Variants in RYR2 observed in about 807,000 individuals in gnomAD.
RYR2 encodes cardiac muscle ryanodine receptor-calcium release channel.
Under a neutral mutation model 601.1 loss-of-function variants are expected in RYR2, and 227 were observed. The observed-to-expected ratio is 0.38, with a 90% CI of 0.34 to 0.42. The LOEUF is 0.42. Ranked by LOEUF, RYR2 falls within the 10% of genes least tolerant of loss-of-function variation. The pLI is 1.00. For synonymous variants in RYR2, 2,223 were observed against 2,175.1 expected (o/e 1.02, Z -0.61); for missense variants, 4,646 against 6,156.5 (o/e 0.75, Z 8.21).
chr1:237,666,425 AAT>A, intron 56 of RYR2, 85 bp from the exon 57 acceptor site: 4 of 1,172,320 alleles, frequency 3.4e-6, no homozygotes, highest in Non-Finnish European at 4.9e-6. Flanking sequence ...TATGTTTGGA[AAT>A]TTGTGCCATA....
chr1:237,825,763 A>G (rs1663017933), intron 101 of RYR2, among the ~76,000 whole-genome samples: 1 of 152,214 alleles, frequency 6.6e-6, no homozygotes, highest in African/African-American at 2.4e-5. Flanking sequence ...TTTGCTGTCT[A>G]TCCATCTGAT....
At chr1:237,609,022 C>T (rs1263631664) in intron 35 of RYR2, among the ~76,000 whole-genome samples, 1 of 150,964 alleles carries the variant, frequency 6.6e-6, no homozygotes, top group Non-Finnish European at 1.5e-5. Context: ...CTCCCTCCCT[C>T]CTTCCCTCCC....
intron 29 of RYR2, among the ~76,000 whole-genome samples, chr1:237,588,377 A>G (rs1559072228): frequency 6.6e-6 from 1 of 152,226 alleles, no homozygotes; most frequent in Non-Finnish European, 1.5e-5. Flanking sequence ...TGTGTAAATC[A>G]TAATGACAGA....
intron 1 of RYR2, among the ~76,000 whole-genome samples, chr1:237,179,575 G>T (rs1678468017): frequency 6.6e-6 from 1 of 152,082 alleles, no homozygotes; most frequent in South Asian, 2.1e-4. Context: ...GTTATTTCAT[G>T]TAATGCCCCA....
At chr1:237,272,924 C>T (rs899114757) in intron 2 of RYR2, among the ~76,000 whole-genome samples, 2 of 152,054 alleles carry the variant, frequency 1.3e-5, no homozygotes, top group Non-Finnish European at 2.9e-5. Flanking sequence ...CACAGCTTAA[C>T]ATCTGTAGAG....
intron 1 of RYR2, among the ~76,000 whole-genome samples, chr1:237,215,011 A>T (rs1186835314): frequency 6.6e-6 from 1 of 152,208 alleles, no homozygotes; most frequent in African/African-American, 2.4e-5. Context: ...TTCTCATATC[A>T]CATGAAGTCA....
chr1:237,107,851 G>A (rs538612686), intron 1 of RYR2, among the ~76,000 whole-genome samples: 1 of 152,258 alleles, frequency 6.6e-6, no homozygotes, highest in Admixed American at 6.5e-5. Context: ...GCACAGGCTG[G>A]GCTCCTCCCT....
At chr1:237,427,223 G>T (rs926143916) in intron 12 of RYR2, among the ~76,000 whole-genome samples, 1 of 152,082 alleles carries the variant, frequency 6.6e-6, no homozygotes, top group South Asian at 2.1e-4. Flanking sequence ...ACAGATGCAG[G>T]CATGCAGACA....
chr1:237,620,470 G>A (rs1678956489), intron 38 of RYR2, among the ~76,000 whole-genome samples: 1 of 152,078 alleles, frequency 6.6e-6, no homozygotes, highest in South Asian at 2.1e-4. Context: ...TGAAGTCATA[G>A]CATATCAATA....
chr1:237,748,565 A>G (rs1393364115), intron 80 of RYR2, among the ~76,000 whole-genome samples: 1 of 152,166 alleles, frequency 6.6e-6, no homozygotes, highest in African/African-American at 2.4e-5. Flanking sequence ...GTGTGGGGGC[A>G]GTCATTTCTA....
intron 63 of RYR2, among the ~76,000 whole-genome samples, chr1:237,694,694 A>C (rs1687262985): frequency 6.6e-6 from 1 of 152,202 alleles, no homozygotes; most frequent in Non-Finnish European, 1.5e-5. Flanking sequence ...GCATTATAGG[A>C]GAATTTCCTG....
intron 92 of RYR2, 30 bp downstream of exon 92, chr1:237,788,165 T>C: frequency 6.4e-7 from 1 of 1,558,594 alleles, no homozygotes; most frequent in Non-Finnish European, 8.8e-7. Context: ...ATATTGTTAC[T>C]GATATAGTGC....
At chr1:237,360,868 A>C (rs1181671147) in intron 4 of RYR2, among the ~76,000 whole-genome samples, 1 of 152,160 alleles carries the variant, frequency 6.6e-6, no homozygotes, top group Non-Finnish European at 1.5e-5. Flanking sequence ...AAAGTGAAGC[A>C]TTTCCATAGG....
chr1:237,051,176 C>T lies in RYR2; in HGVS notation c.48+8607C>T, dbSNP rs371405459. Among the ~76,000 whole-genome samples, 148 of 129,750 alleles carry T rather than the reference C, an allele frequency of 1.1e-3. No individual in the cohort carries two copies. In the East Asian group the frequency reaches 0.03, roughly 26 times the overall value. The allele number at this position is 129,750 out of a possible 152,430, so 85.1% of individuals were successfully genotyped here. A position where few individuals can be genotyped will look rare whatever the true frequency, so the allele number is the denominator to read the frequency against. On this transcript the variant is annotated intron_variant, in intron 1 of 104. Transcript: ENST00000366574. ...CTTTCCCTTTCCCTCCCCTCCCTTCCCCCTTCCCTCCTTTTCCCTTCCCTC... is the reference window on the plus strand; with the variant it reads ...CTTTCCCTTTCCCTCCCCTCCCTTCTCCCTTCCCTCCTTTTCCCTTCCCTC...
chr1:237,714,349 G>A (rs925629374), intron 71 of RYR2, among the ~76,000 whole-genome samples: 3 of 152,134 alleles, frequency 2.0e-5, no homozygotes, highest in Non-Finnish European at 4.4e-5. Flanking sequence ...CTTAGAAAAC[G>A]TACGAGAGAA....
In RYR2 at chr1:237,310,998, A is replaced by T. The variant is rs1458381592; in HGVS notation, c.169-19880A>T. Reference sequence around the variant, plus strand: ...TCAATTTAGTAGGTATCTATCCTATATAAACTTCCCGATGAAGTTACTAGA... The same window carrying T: ...TCAATTTAGTAGGTATCTATCCTATTTAAACTTCCCGATGAAGTTACTAGA... On this transcript the variant is annotated intron_variant, in intron 2 of 104. Coordinates refer to ENST00000366574, the MANE Select transcript of RYR2 (RefSeq NM_001035.3). Among the ~76,000 whole-genome samples the T allele has an allele frequency of 2.0e-5, 3 of 152,344 alleles. No homozygotes were observed. In the South Asian group the frequency reaches 6.2e-4, roughly 32 times the overall value.
chr1:237,758,313 T>C (rs565687182), intron 82 of RYR2, among the ~76,000 whole-genome samples: 1 of 152,336 alleles, frequency 6.6e-6, no homozygotes, highest in Admixed American at 6.5e-5. Context: ...TTCTTGTCTA[T>C]GTGGAACTTG....
intron 1 of RYR2, among the ~76,000 whole-genome samples, chr1:237,230,245 C>T (rs545551728): frequency 6.6e-6 from 1 of 152,168 alleles, no homozygotes; most frequent in East Asian, 1.9e-4. Context: ...ATGACAGATT[C>T]AATTTCTTTA....
At chr1:237,391,902 A>G (rs1702418723) in intron 10 of RYR2, among the ~76,000 whole-genome samples, 1 of 152,110 alleles carries the variant, frequency 6.6e-6, no homozygotes, top group South Asian at 2.1e-4. Flanking sequence ...CTTCCTGCCC[A>G]TTTTGCTTTT....
Sources: allele counts gnomAD v4.1 joint callset (sites outside exome capture counted in the v4.1 genomes callset), GRCh38; gene constraint gnomAD v4.1.1; transcripts MANE v1.5; gene names NCBI Gene and HGNC (gene_info 2026-07-23, HGNC 2026-07-21).